The following SEMA5A variants were observed in gnomAD, a reference collection of about 807,000 sequenced individuals.
SEMA5A encodes the protein semaphorin 5A.
A neutral mutation model predicts 135.5 loss-of-function variants in SEMA5A; 55 were observed. That is an observed-to-expected ratio of 0.41 (90% CI 0.33 to 0.51). The LOEUF (loss-of-function observed/expected upper bound fraction) is 0.51. Among genes scored for constraint, SEMA5A ranks in the 20% least tolerant of loss-of-function variants. The pLI, the probability that SEMA5A is intolerant of heterozygous loss-of-function variation, is 0.37. For synonymous variants in SEMA5A, 580 were observed against 546.5 expected (o/e 1.06, Z -0.85); for missense variants, 1,290 against 1,419.9 (o/e 0.91, Z 1.47).
chr5:9,050,274 A>C, intron 21 of SEMA5A, 136 bp downstream of exon 21: 1 of 732,876 alleles, frequency 1.4e-6, no homozygotes, highest in African/African-American at 1.8e-5. Context: ...CCAAGGTAGA[A>C]TGCCTGGGAT....
intron 1 of SEMA5A, among the ~76,000 whole-genome samples, chr5:9,503,679 T>G (rs920332987): frequency 6.6e-6 from 1 of 152,206 alleles, no homozygotes. Flanking sequence ...AAGATCTGCA[T>G]AACAGCACTG....
At chr5:9,410,429 G>A (rs910192003) in intron 2 of SEMA5A, among the ~76,000 whole-genome samples, 1 of 152,102 alleles carries the variant, frequency 6.6e-6, no homozygotes, top group African/African-American at 2.4e-5. Flanking sequence ...GCATTCAACA[G>A]TCAATCTCCG....
At chr5:9,254,352 A>G (rs1297952371) in intron 5 of SEMA5A, among the ~76,000 whole-genome samples, 3 of 152,224 alleles carry the variant, frequency 2.0e-5, no homozygotes, top group African/African-American at 7.2e-5. Flanking sequence ...ATGGAGGATT[A>G]CACAGCGATG....
At chr5:9,393,678 C>T (rs1195513453) in intron 2 of SEMA5A, among the ~76,000 whole-genome samples, 1 of 152,106 alleles carries the variant, frequency 6.6e-6, no homozygotes, top group Non-Finnish European at 1.5e-5. Flanking sequence ...AAGAAAAATG[C>T]TTTATAAATC....
At chr5:9,090,352 C>T (rs577267728) in intron 16 of SEMA5A, among the ~76,000 whole-genome samples, 164 of 152,310 alleles carry the variant, frequency 1.1e-3, no homozygotes, top group Admixed American at 3.2e-3. Flanking sequence ...CAAAAGTCCT[C>T]GCTTTAAAAC....
intron 2 of SEMA5A, among the ~76,000 whole-genome samples, chr5:9,392,841 T>A (rs183947883): frequency 2.0e-5 from 3 of 152,354 alleles, no homozygotes; most frequent in South Asian, 2.1e-4. Flanking sequence ...CCAAGATACC[T>A]TCTACTAAAT....
chr5:9,320,205 C>T (rs1021674344), intron 4 of SEMA5A, among the ~76,000 whole-genome samples: 4 of 152,300 alleles, frequency 2.6e-5, no homozygotes, highest in African/African-American at 9.6e-5. Flanking sequence ...TTTCAAATCT[C>T]ACCTCTGATA....
Position 9,403,829 on chromosome 5 carries a change from C to G in SEMA5A, c.-77-23806G>C, listed in dbSNP as rs369133102. Among the ~76,000 whole-genome samples, 486 of 152,330 alleles carry G rather than the reference C, an allele frequency of 3.2e-3. 3 individuals carry two copies. The highest frequency in any genetic ancestry group is 0.011 in the African/African-American group (466 of 41,574). ...CACAGACAGCTCTCCTCTTCTGCCACTACAGCCAGTCAGAAACATGGCAAA... is the reference window on the plus strand; with the variant it reads ...CACAGACAGCTCTCCTCTTCTGCCAGTACAGCCAGTCAGAAACATGGCAAA... On this transcript the variant is annotated intron_variant, in intron 2 of 22. Coordinates refer to ENST00000382496, the MANE Select transcript of SEMA5A (RefSeq NM_003966.3).
rs115591594 is a variant in SEMA5A, at chr5:9,454,542, G to A, written c.-174-16690C>T. ...GTTAAACCAGTACAGAACAGCCAGT[G>A]CTGTTTTTTTCCAATCCAGGAAAGC... On this transcript the variant is annotated intron_variant, in intron 1 of 22. Coordinates refer to ENST00000382496, the MANE Select transcript of SEMA5A (RefSeq NM_003966.3). Among the ~76,000 whole-genome samples the A allele has an allele frequency of 3.4e-3, 519 of 152,308 alleles. 4 individuals carry two copies. The highest frequency in any genetic ancestry group is 0.012 in the African/African-American group (490 of 41,558).
chr5:9,169,631 C>G (rs1743804339), intron 11 of SEMA5A, among the ~76,000 whole-genome samples: 1 of 152,074 alleles, frequency 6.6e-6, no homozygotes, highest in Non-Finnish European at 1.5e-5. Flanking sequence ...CAAATAAAAC[C>G]CTGGCATAGT....
intron 2 of SEMA5A, among the ~76,000 whole-genome samples, chr5:9,407,408 AAATCAGTTATAT>A (rs1756929624): frequency 6.6e-6 from 1 of 152,260 alleles, no homozygotes; most frequent in South Asian, 2.1e-4. Flanking sequence ...TGGGTTTCAA[AAATCAGTTATAT>A]AATGGATACC....
rs1189762164 is a variant in SEMA5A at position 9,473,089 on chromosome 5, C to T, written c.-174-35237G>A. ...GTATTTTGTTTATTTACATATGTAC[C>T]CTAAAACTTAAAGTATAATAATAAC... On this transcript the variant is annotated intron_variant, in intron 1 of 22. Coordinates refer to ENST00000382496, the MANE Select transcript of SEMA5A (RefSeq NM_003966.3). 3.6e-5 allele frequency among the ~76,000 whole-genome samples: 5 copies of T among 140,550 alleles called. No homozygotes were observed. In the Admixed American group the frequency reaches 3.7e-4, roughly 10 times the overall value. 92.2% of individuals were successfully genotyped at this position (140,550 alleles called of 152,430 possible).
At chr5:9,050,289 G>T in intron 21 of SEMA5A, 121 bp downstream of exon 21, 2 of 839,278 alleles carry the variant, frequency 2.4e-6, no homozygotes, top group South Asian at 4.0e-5. Flanking sequence ...TGGGATCCAT[G>T]ACTTTCTCCG....
chr5:9,197,923 A>C (rs1457853881), intron 9 of SEMA5A, among the ~76,000 whole-genome samples: 1 of 152,146 alleles, frequency 6.6e-6, no homozygotes, highest in African/African-American at 2.4e-5. Context: ...AAAGAGAAAA[A>C]TTTGACATAG....
intron 1 of SEMA5A, among the ~76,000 whole-genome samples, chr5:9,501,378 T>G (rs565853652): frequency 1.3e-5 from 2 of 152,322 alleles, no homozygotes; most frequent in Admixed American, 6.5e-5. Context: ...TATACATATG[T>G]GTCTACGTGT....
At chr5:9,272,645 A>G (rs1280224598) in intron 5 of SEMA5A, among the ~76,000 whole-genome samples, 1 of 152,170 alleles carries the variant, frequency 6.6e-6, no homozygotes, top group Non-Finnish European at 1.5e-5. Flanking sequence ...CCCCTGTGGG[A>G]CAAAGCTTCC....
chr5:9,448,339 C>T, intron 1 of SEMA5A, among the ~76,000 whole-genome samples: 1 of 152,190 alleles, frequency 6.6e-6, no homozygotes, highest in East Asian at 1.9e-4. Flanking sequence ...GGAAACAAGA[C>T]CAGCCTGAAA....
chr5:9,536,979 A>C (rs1388543647), intron 1 of SEMA5A, among the ~76,000 whole-genome samples: 1 of 152,188 alleles, frequency 6.6e-6, no homozygotes, highest in Non-Finnish European at 1.5e-5. Context: ...CCTAGCTTCT[A>C]ACCTGTCAGA....
At chr5:9,244,339 C>A (rs1395541959) in intron 5 of SEMA5A, among the ~76,000 whole-genome samples, 3 of 152,158 alleles carry the variant, frequency 2.0e-5, no homozygotes, top group Admixed American at 2.0e-4. Flanking sequence ...CTAGTGCCCC[C>A]ACCCCATTCT....
Sources: gnomAD v4.1 joint callset for allele counts (sites outside exome capture counted in the v4.1 genomes callset) on GRCh38, gnomAD v4.1.1 for gene constraint, MANE v1.5 for transcripts, NCBI Gene and HGNC (gene_info 2026-07-23, HGNC 2026-07-21) for gene names.